The following UGDH variants were observed in gnomAD, a reference collection of about 807,000 sequenced individuals.
The protein encoded by UGDH is UDP-glucose 6-dehydrogenase.
In UGDH, 38 loss-of-function variants were observed where a neutral mutation model predicts 50.6. The ratio of observed to expected loss-of-function variants is 0.75; its 90% CI spans 0.58 to 0.98. The LOEUF (loss-of-function observed/expected upper bound fraction) is 0.98, where lower values mean the gene tolerates loss of function less well. UGDH is among the 50% of genes least tolerant of loss of function. The pLI is 0.00. For synonymous variants in UGDH, 168 were observed against 199.9 expected (o/e 0.84, Z 1.35); for missense variants, 465 against 606.2 (o/e 0.77, Z 2.45).
intron 2 of UGDH, among the ~76,000 whole-genome samples, 187 bp downstream of exon 2, chr4:39,521,164 T>C (rs1746644874): frequency 6.6e-6 from 1 of 152,010 alleles, no homozygotes; most frequent in South Asian, 2.1e-4. Context: ...TTCTTTCTGG[T>C]CATTTTTCCT....
At chr4:39,514,241 C>T in intron 2 of UGDH, 57 bp from the exon 3 acceptor site, 1 of 1,268,662 alleles carries the variant, frequency 7.9e-7, no homozygotes, top group South Asian at 1.3e-5. Context: ...TATGAGATAA[C>T]CTAATAGTAT....
chr4:39,520,634 A>C (rs1181232679), intron 2 of UGDH, among the ~76,000 whole-genome samples: 1 of 151,980 alleles, frequency 6.6e-6, no homozygotes, highest in Non-Finnish European at 1.5e-5. Context: ...TGTCCATCTA[A>C]TGTTTATGTG....
In UGDH at chr4:39,509,788, A is replaced by G. The variant is rs1257779546; in HGVS notation, c.783T>C (p.Ile261=). The G allele has an allele frequency of 9.3e-6, 15 of 1,606,410 alleles. No individual in the cohort carries two copies. The South Asian group carries it at 1.6e-4, about 17-fold the overall frequency. Residue 261 remains isoleucine, a synonymous_variant, in exon 6 of 12, where the codon ATT becomes ATC. Transcript: ENST00000316423. ...VATAIGMDQR[I]GNKFLKASVG... is the part of the protein sequence containing the mutation. ...CACTGGCTTTTAGAAACTTGTTTCC[A>G]ATTCTCTGGTCCATTCCAATCGCTG... is the stretch of plus-strand genomic sequence containing the variant.
rs373456890 is a variant in UGDH, at chr4:39,506,233, T to TAAAAAAAAA, written c.907-494_907-486dup. Reference sequence around the variant, plus strand: ...ACAGAGCCAGACCCTGCCGTAAATTTAAAAAAAAAAAAAAAGCCATTCTAA... The same window carrying TAAAAAAAAA: ...ACAGAGCCAGACCCTGCCGTAAATTTAAAAAAAAAAAAAAAAAAAAAAAAGCCATTCTAA... On this transcript the variant is annotated intron_variant, in intron 7 of 11. Coordinates refer to ENST00000316423, the MANE Select transcript of UGDH (RefSeq NM_003359.4). Among the ~76,000 whole-genome samples, 89 of 131,094 alleles carry TAAAAAAAAA rather than the reference T, an allele frequency of 6.8e-4. 2 individuals carry two copies. Among genetic ancestry groups the TAAAAAAAAA allele is most frequent in the African/African-American group, 1.9e-3 (65 of 34,264 alleles). 86.0% of individuals were successfully genotyped at this position (131,094 alleles called of 152,430 possible). A position where few individuals can be genotyped will look rare whatever the true frequency, so the allele number is the denominator to read the frequency against.
chr4:39,521,572 A>G (rs1746664102), intron 1 of UGDH, 53 bp from the exon 2 acceptor site: 1 of 1,384,948 alleles, frequency 7.2e-7, no homozygotes. Flanking sequence ...AAATTTAAAG[A>G]AATAATATTG....
rs553564277 is a variant in UGDH at position 39,501,366 on chromosome 4, C to G, written c.1375-1113G>C. ...CTCGGCTCACTGCAAGCTCTGCCTC[C>G]CGGTTCACACCATTCTCCTGCCTCA... On this transcript the variant is annotated intron_variant, in intron 11 of 11. Coordinates refer to ENST00000316423, the MANE Select transcript of UGDH (RefSeq NM_003359.4). Among the ~76,000 whole-genome samples, 10 of 151,836 alleles carry G rather than the reference C, an allele frequency of 6.6e-5. No homozygotes were observed. In the East Asian group the frequency reaches 1.9e-3, roughly 29 times the overall value.
At position 39,500,232 on chromosome 4, in the gene UGDH, C is replaced by A. The variant is rs750080424; in HGVS notation, c.1396G>T (p.Val466Leu). The A allele has an allele frequency of 3.1e-6, 5 of 1,592,352 alleles. No homozygotes were observed. The Admixed American group carries it at 6.9e-5, about 22-fold the overall frequency. Residue 466 changes from valine (V) to leucine (L), a missense_variant, in exon 12 of 12, where the codon GTG (valine) becomes TTG (leucine). Transcript: ENST00000316423. ...GCATATGGAATTCTCTTTGAAGACACCTTTTTGCCAATTGTTTCAATCTGA... is the reference window on the plus strand; with the variant it reads ...GCATATGGAATTCTCTTTGAAGACAACTTTTTGCCAATTGTTTCAATCTGA... ...GFQIETIGKK[V>L]SSKRIPYAPS...
At chr4:39,524,462 G>C (rs1746794191) in intron 1 of UGDH, among the ~76,000 whole-genome samples, 1 of 151,774 alleles carries the variant, frequency 6.6e-6, no homozygotes, top group Admixed American at 6.6e-5. Context: ...TCAGATTGCC[G>C]ATCATAGTAT....
Position 39,512,639 on chromosome 4 carries a change from A to C in UGDH, c.264+1444T>G, listed in dbSNP as rs1032143450. 3.9e-5 allele frequency among the ~76,000 whole-genome samples: 6 copies of C among 152,036 alleles called. No homozygotes were observed. The South Asian group carries it at 1.2e-3, about 32-fold the overall frequency. On this transcript the variant is annotated intron_variant, in intron 3 of 11. Transcript: ENST00000316423. The stretch of plus-strand genomic sequence containing the variant: ...ACCATTCTAGGCTCTGGTCACCTAA[A>C]AATTAGACTAAGTAACTCATTGATT...
intron 1 of UGDH, among the ~76,000 whole-genome samples, chr4:39,523,784 C>T (rs1325982344): frequency 1.4e-5 from 2 of 139,744 alleles, no homozygotes. Context: ...CCAGCCTGGG[C>T]AACAAGCACG....
intron 11 of UGDH, 25 bp from the exon 12 acceptor site, chr4:39,500,278 G>T: frequency 2.1e-6 from 3 of 1,417,438 alleles, no homozygotes; most frequent in African/African-American, 1.4e-5. Context: ...AAATTTAAGA[G>T]AACTATTAAC....
intron 7 of UGDH, among the ~76,000 whole-genome samples, chr4:39,507,135 T>C (rs1746060305): frequency 6.6e-6 from 1 of 152,224 alleles, no homozygotes; most frequent in Non-Finnish European, 1.5e-5. Context: ...GGCAAATTAC[T>C]TAATATCTCC....
chr4:39,514,233 T>C (rs16995351), intron 2 of UGDH, 49 bp from the exon 3 acceptor site: 23,664 of 1,326,698 alleles, frequency 0.018, 401 homozygotes, highest in African/African-American at 0.066. Context: ...GCCAGTGATA[T>C]GAGATAACCT....
intron 1 of UGDH, among the ~76,000 whole-genome samples, chr4:39,522,719 C>G (rs1746714311): frequency 6.7e-6 from 1 of 149,442 alleles, no homozygotes; most frequent in Admixed American, 6.7e-5. Context: ...ATGCATTGAT[C>G]TTTAGTGGTA....
intron 9 of UGDH, 152 bp from the exon 10 acceptor site, chr4:39,504,660 C>A: frequency 1.5e-6 from 1 of 678,958 alleles, no homozygotes; most frequent in Non-Finnish European, 2.5e-6. Flanking sequence ...TACTTACACA[C>A]ATACCTGTTT....
intron 2 of UGDH, among the ~76,000 whole-genome samples, chr4:39,518,420 C>G (rs1162958417): frequency 6.6e-6 from 1 of 152,016 alleles, no homozygotes; most frequent in African/African-American, 2.4e-5. Flanking sequence ...GCCAACAGGG[C>G]TCACTGCAGC....
intron 7 of UGDH, 85 bp from the exon 8 acceptor site, chr4:39,505,833 G>A (rs973519741): frequency 6.5e-5 from 88 of 1,354,596 alleles, no homozygotes; most frequent in Non-Finnish European, 8.4e-5. Context: ...TATGGTGAGT[G>A]CTATTGTACA....
chr4:39,503,954 A>C lies in UGDH; in HGVS notation c.1295T>G (p.Met432Arg). Reference sequence around the variant, plus strand: ...ATCGAAGATAAAGGCTGGCTTTAGCATTTTTTTATGAATGCGTTCATAATC... The same window carrying C: ...ATCGAAGATAAAGGCTGGCTTTAGCCTTTTTTTATGAATGCGTTCATAATC... The part of the protein sequence containing the change: ...ELDYERIHKK[M>R]LKPAFIFDGR... Residue 432 changes from methionine to arginine, a missense_variant, in exon 11 of 12, where the codon ATG (methionine) becomes AGG (arginine). By Grantham distance (91) the Met-to-Arg change is moderately conservative. Transcript: ENST00000316423. The C allele has an allele frequency of 1.9e-6, 3 of 1,614,150 alleles. No individual in the cohort carries two copies. The highest frequency in any genetic ancestry group is 2.5e-6 in the Non-Finnish European group (3 of 1,180,012).
chr4:39,525,068 T>C (rs1746820268), intron 1 of UGDH, among the ~76,000 whole-genome samples: 1 of 152,252 alleles, frequency 6.6e-6, no homozygotes, highest in Admixed American at 6.5e-5. Context: ...TGATGTACAA[T>C]CTGTGCAAGT....
Sources: gnomAD v4.1 joint callset for allele counts (sites outside exome capture counted in the v4.1 genomes callset) on GRCh38, gnomAD v4.1.1 for gene constraint, MANE v1.5 for transcripts, NCBI Gene and HGNC (gene_info 2026-07-23, HGNC 2026-07-21) for gene names.